Variants in TRPM2 observed in about 807,000 individuals in gnomAD.
TRPM2 encodes the protein transient receptor potential cation channel subfamily M member 2, also known as estrogen-responsive element-associated gene 1 protein.
In TRPM2, 161 loss-of-function variants were observed where a neutral mutation model predicts 174.0. The ratio of observed to expected loss-of-function variants is 0.93; its 90% CI spans 0.81 to 1.05. The LOEUF is 1.05. Among genes scored for constraint, TRPM2 ranks in the 50% least tolerant of loss-of-function variants. The pLI, the probability that TRPM2 is intolerant of heterozygous loss-of-function variation, is 0.00. For synonymous variants in TRPM2, 954 were observed against 861.3 expected, an observed-to-expected ratio of 1.11 and a Z score of -1.88; for missense variants, 2,057 against 2,038.0, an observed-to-expected ratio of 1.01 and a Z score of -0.18.
chr21:44,402,450 T>C lies in TRPM2; in HGVS notation c.2538+553T>C, dbSNP rs45459791. On this transcript the variant is annotated intron_variant, in intron 16 of 31. Transcript: ENST00000397928. The stretch of plus-strand genomic sequence containing the variant: ...ACTCCATCCTCCCGGTGATGATGTG[T>C]GGCCTCATGCATGGAGGCACGTCCC... Among the ~76,000 whole-genome samples the C allele has an allele frequency of 5.3e-4, 81 of 152,292 alleles. 1 individual carries two copies. The highest frequency in any genetic ancestry group is 3.4e-3 in the Middle Eastern group (1 of 294).
chr21:44,406,749 C>A lies in TRPM2; in HGVS notation c.2946C>A (p.Ile982=), dbSNP rs151130558. 5 of 1,605,566 alleles carry A rather than the reference C, an allele frequency of 3.1e-6. No homozygotes were observed. The highest frequency in any genetic ancestry group is 1.1e-5 in the South Asian group (1 of 90,320). ...CCTACCTCACCATCTTCGGGCAGATCCCGGGCTACATCGACGGTAGGAGCC... is the reference window on the plus strand; with the variant it reads ...CCTACCTCACCATCTTCGGGCAGATACCGGGCTACATCGACGGTAGGAGCC... ...YHSYLTIFGQ[I]PGYIDGVNFN... Residue 982 remains isoleucine, a synonymous_variant, in exon 19 of 32, where the codon ATC becomes ATA. Coordinates refer to ENST00000397928, the MANE Select transcript of TRPM2 (RefSeq NM_003307.4).
chr21:44,353,562 G>T (rs150940440), upstream of TRPM2: 73 of 1,159,096 alleles, frequency 6.3e-5, no homozygotes, highest in Middle Eastern at 1.8e-3. Flanking sequence ...GGTCCTCTCA[G>T]AACATCAGCC....
intron 16 of TRPM2, among the ~76,000 whole-genome samples, chr21:44,402,099 G>A (rs1296303856): frequency 1.3e-5 from 2 of 152,130 alleles, no homozygotes; most frequent in Non-Finnish European, 2.9e-5. Flanking sequence ...CCCTGCGCCT[G>A]CTTCCCTGCT....
rs936640902 is a variant in TRPM2 at position 44,354,395 on chromosome 21, T to C, written c.166-253T>C. On this transcript the variant is annotated intron_variant, in intron 1 of 31. Transcript: ENST00000397928. The surrounding 1 kb of genome is among the most constrained non-coding windows in gnomAD (Gnocchi z 4.3). ...GTTCCCAAGGAAGGTGGTGGTGCTG[T>C]AGAAACTGTAAAGTGCGCGCACATT... 1.3e-5 allele frequency among the ~76,000 whole-genome samples: 2 copies of C among 152,190 alleles called. No individual in the cohort carries two copies. The highest frequency in any genetic ancestry group is 1.3e-4 in the Admixed American group (2 of 15,274).
rs557737331 is a variant in TRPM2, at chr21:44,398,129, T to G, written c.2062+253T>G. 7.9e-5 allele frequency among the ~76,000 whole-genome samples: 12 copies of G among 152,302 alleles called. No individual in the cohort carries two copies. In the South Asian group the frequency reaches 2.5e-3, roughly 32 times the overall value. ...AGCGAGATTGCAATAGAGAAAGAGT[T>G]TAATTCACACAGAGCCGGCTGAATG... On this transcript the variant is annotated intron_variant, in intron 13 of 31. Coordinates refer to ENST00000397928, the MANE Select transcript of TRPM2 (RefSeq NM_003307.4).
Position 44,395,466 on chromosome 21 carries a change from CCTTCACCAT to C in TRPM2, c.1848_1856del (p.Phe617_Met619del). 1 of 1,613,016 alleles carries C rather than the reference CCTTCACCAT, an allele frequency of 6.2e-7. No individual in the cohort carries two copies. The highest frequency in any genetic ancestry group is 8.5e-7 in the Non-Finnish European group (1 of 1,179,962). ...TACAAGCGTTCCTCAGGCCATGTGA[CCTTCACCAT>C]GGACCCCATCCGTGACCTTCTCATT... On this transcript the variant is annotated inframe_deletion, in exon 12 of 32. Transcript: ENST00000397928.
Position 44,428,499 on chromosome 21 carries a change from T to G in TRPM2, c.3974+1388T>G, listed in dbSNP as rs369995241. On this transcript the variant is annotated intron_variant, in intron 27 of 31. Coordinates refer to ENST00000397928, the MANE Select transcript of TRPM2 (RefSeq NM_003307.4). ...CCTCCCTGAGGTGTGGCTCCTCCCCTGAGGTGTGGCTCCTCCCTGAGGTGT... is the reference window on the plus strand; with the variant it reads ...CCTCCCTGAGGTGTGGCTCCTCCCCGGAGGTGTGGCTCCTCCCTGAGGTGT... 3.0e-3 allele frequency among the ~76,000 whole-genome samples: 434 copies of G among 146,766 alleles called. 1 individual carries two copies. Among genetic ancestry groups the G allele is most frequent in the African/African-American group, 0.01 (395 of 38,922 alleles).
At chr21:44,427,239 A>G in intron 27 of TRPM2, 128 bp downstream of exon 27, 1 of 806,994 alleles carries the variant, frequency 1.2e-6, no homozygotes, top group Non-Finnish European at 1.9e-6. Flanking sequence ...TGAGCCACCG[A>G]AAGGAAGAAA....
In TRPM2 at chr21:44,376,275, C is replaced by T. The variant is rs1288735751; in HGVS notation, c.952+262C>T. Among the ~76,000 whole-genome samples, 3 of 152,174 alleles carry T rather than the reference C, an allele frequency of 2.0e-5. No individual in the cohort carries two copies. The highest frequency in any genetic ancestry group is 4.4e-5 in the Non-Finnish European group (3 of 68,034). ...GTACTCGGAACGTCCTCAGAACACA[C>T]CTGGGTTTCTTTCCCGTGTCTCTTT... On this transcript the variant is annotated intron_variant, in intron 6 of 31. Coordinates refer to ENST00000397928, the MANE Select transcript of TRPM2 (RefSeq NM_003307.4). The surrounding 1 kb of genome is among the most constrained non-coding windows in gnomAD (Gnocchi z 4.2).
chr21:44,383,718 G>C (rs976412188), intron 9 of TRPM2, among the ~76,000 whole-genome samples: 9 of 152,070 alleles, frequency 5.9e-5, no homozygotes, highest in Non-Finnish European at 1.2e-4. Flanking sequence ...GGATGTAAAA[G>C]TGGAAAATTC....
At chr21:44,397,439 G>A (rs927055732) in intron 12 of TRPM2, among the ~76,000 whole-genome samples, 3 of 152,152 alleles carry the variant, frequency 2.0e-5, no homozygotes, top group East Asian at 1.9e-4. Flanking sequence ...GGGTGGTGCC[G>A]CCCTCTGCAG....
At chr21:44,406,916 C>A in intron 19 of TRPM2, 151 bp downstream of exon 19, 1 of 1,083,336 alleles carries the variant, frequency 9.2e-7, no homozygotes, top group Non-Finnish European at 1.3e-6. Flanking sequence ...GGCATTCATT[C>A]CCCAGCTCCT....
intron 9 of TRPM2, among the ~76,000 whole-genome samples, chr21:44,383,685 A>G (rs2048946203): frequency 6.6e-6 from 1 of 152,120 alleles, no homozygotes. Flanking sequence ...TCTGACAACA[A>G]GATGAAGTTA....
chr21:44,432,884 C>T lies in TRPM2; in HGVS notation c.3975-2247C>T, dbSNP rs534190891. ...TGTTTTTGCGCTTTGGGGTTGTGTG[C>T]GTAGGTTTATGGACGGGCCTATGCC... On this transcript the variant is annotated intron_variant, in intron 27 of 31. Coordinates refer to ENST00000397928, the MANE Select transcript of TRPM2 (RefSeq NM_003307.4). The surrounding 1 kb of genome is among the most constrained non-coding windows in gnomAD (Gnocchi z 4.9). Among the ~76,000 whole-genome samples, 2 of 152,084 alleles carry T rather than the reference C, an allele frequency of 1.3e-5. No homozygotes were observed. The highest frequency in any genetic ancestry group is 6.6e-5 in the Admixed American group (1 of 15,266).
intron 2 of TRPM2, among the ~76,000 whole-genome samples, chr21:44,362,348 C>CAAAAAAAAAA (rs57031573): frequency 0.11 from 9,890 of 87,952 alleles, 594 homozygotes; most frequent in Non-Finnish European, 0.14. Context: ...ACTAAAAATA[C>CAAAAAAAAAA]AAAAAAAAAA....
In TRPM2 at chr21:44,391,063, G is replaced by C; in HGVS notation, c.1440+38G>C. Reference sequence around the variant, plus strand: ...GAGCACCCCGTGGAGGGGCCTACTGGGCCCACATGCATTGCACCACTGAAG... The same window carrying C: ...GAGCACCCCGTGGAGGGGCCTACTGCGCCCACATGCATTGCACCACTGAAG... On this transcript the variant is annotated intron_variant, in intron 10 of 31. Transcript: ENST00000397928. The surrounding 1 kb of genome is among the most constrained non-coding windows in gnomAD (Gnocchi z 5.0). 1 of 1,612,722 alleles carries C rather than the reference G, an allele frequency of 6.2e-7. No homozygotes were observed. The highest frequency in any genetic ancestry group is 8.5e-7 in the Non-Finnish European group (1 of 1,179,606).
chr21:44,372,125 TAAACC>T (rs900338101), intron 5 of TRPM2, among the ~76,000 whole-genome samples: 2 of 145,184 alleles, frequency 1.4e-5, no homozygotes, highest in Non-Finnish European at 3.1e-5. Flanking sequence ...CTGTCTAAAC[TAAACC>T]AAACCAAACC....
intron 20 of TRPM2, chr21:44,416,732 C>T (rs1032768175): frequency 4.7e-6 from 1 of 212,092 alleles, no homozygotes; most frequent in Non-Finnish European, 9.7e-6. Flanking sequence ...TGGCGTGGCT[C>T]TGCTCTCTGT....
chr21:44,405,397 T>C (rs1410275455), intron 17 of TRPM2, 137 bp downstream of exon 17: 36 of 1,354,882 alleles, frequency 2.7e-5, no homozygotes, highest in Non-Finnish European at 3.4e-5. Flanking sequence ...ATCTGTCCAA[T>C]GGGTGTCCAG....
Sources: gnomAD v4.1 joint callset for allele counts (sites outside exome capture counted in the v4.1 genomes callset) on GRCh38, gnomAD v4.1.1 for gene constraint, Gnocchi (gnomAD v3.1) non-coding constraint, MANE v1.5 for transcripts, NCBI Gene and HGNC (gene_info 2026-07-23, HGNC 2026-07-21) for gene names.